ACYP2: variants seen among roughly 807,000 people sequenced by gnomAD.
ACYP2 encodes the protein acylphosphatase-2.
ACYP2 carries 12 observed loss-of-function variants against 11.2 expected under a neutral mutation model. That is an observed-to-expected ratio of 1.08 (90% CI 0.69 to 1.74). The LOEUF (loss-of-function observed/expected upper bound fraction) is 1.74. ACYP2 is among the 40% of genes most tolerant of loss of function. The pLI is 0.00. For missense variants in ACYP2, 134 were observed against 101.9 expected, an observed-to-expected ratio of 1.31 and a Z score of -1.35; for synonymous variants, 43 against 32.2, an observed-to-expected ratio of 1.33 and a Z score of -1.13.
At chr2:54,095,873 T>C (rs1178392726) in intron 4 of ACYP2, among the ~76,000 whole-genome samples, 1 of 1,068 alleles carries the variant, frequency 9.4e-4, no homozygotes, top group Non-Finnish European at 1.7e-3. Flanking sequence ...CGGGCAGAGG[T>C]GCCCCTCACC....
intron 2 of ACYP2, among the ~76,000 whole-genome samples, chr2:54,007,655 C>A (rs967918335): frequency 2.0e-5 from 3 of 152,186 alleles, no homozygotes; most frequent in Non-Finnish European, 4.4e-5. Flanking sequence ...CACCTGAGGT[C>A]AGTAGTTTGA....
intron 6 of ACYP2, among the ~76,000 whole-genome samples, chr2:54,249,266 G>A (rs1363488661): frequency 2.6e-5 from 4 of 152,084 alleles, no homozygotes; most frequent in Non-Finnish European, 5.9e-5. Flanking sequence ...AATAGATATG[G>A]AAAGGGAACA....
chr2:53,982,828 C>CTGTGTGTGTGTGTGTGTGTGTGTGTG (rs3066946), intron 2 of ACYP2, among the ~76,000 whole-genome samples: 2 of 140,524 alleles, frequency 1.4e-5, no homozygotes, highest in African/African-American at 5.5e-5. Context: ...TCACACAAGA[C>CTGTGTGTGTGTGTGTGTGTGTGTGTG]TGTGTGTGTG....
chr2:54,097,218 C>T (rs1678641753), intron 4 of ACYP2, among the ~76,000 whole-genome samples: 1 of 152,208 alleles, frequency 6.6e-6, no homozygotes. Context: ...CTTCTTAACC[C>T]ACTTATTTCC....
At chr2:53,975,926 A>C (rs1671458875) in intron 2 of ACYP2, among the ~76,000 whole-genome samples, 1 of 151,932 alleles carries the variant, frequency 6.6e-6, no homozygotes, top group African/African-American at 2.4e-5. Flanking sequence ...GACTATAATC[A>C]CTCTTCTTGC....
intron 6 of ACYP2, chr2:54,166,903 A>G (rs1205498040): frequency 6.6e-6 from 1 of 152,156 alleles, no homozygotes; most frequent in Non-Finnish European, 1.5e-5. Flanking sequence ...CCCTCTTGAT[A>G]AAGGACTCTT....
At chr2:54,105,864 A>T (rs1225288312) in intron 4 of ACYP2, among the ~76,000 whole-genome samples, 1 of 151,990 alleles carries the variant, frequency 6.6e-6, no homozygotes, top group Non-Finnish European at 1.5e-5. Flanking sequence ...TTCAGTAAAC[A>T]TCTGTTGAAT....
intron 3 of ACYP2, among the ~76,000 whole-genome samples, chr2:54,056,696 T>C (rs1676170999): frequency 6.6e-6 from 1 of 152,198 alleles, no homozygotes. Context: ...TTGGTCCAGA[T>C]TTTTTATTCA....
intron 2 of ACYP2, among the ~76,000 whole-genome samples, chr2:54,041,280 C>G (rs927011802): frequency 2.6e-5 from 4 of 152,006 alleles, no homozygotes; most frequent in African/African-American, 9.7e-5. Context: ...CAGAGTGTTC[C>G]TCTACAGTCA....
At chr2:54,034,637 G>A (rs1389348490) in intron 2 of ACYP2, among the ~76,000 whole-genome samples, 2 of 152,104 alleles carry the variant, frequency 1.3e-5, no homozygotes, top group African/African-American at 2.4e-5. Flanking sequence ...TATTCTCAAT[G>A]TTAAGTGACA....
chr2:54,069,934 C>G (rs1210479060), intron 4 of ACYP2, among the ~76,000 whole-genome samples: 2 of 152,082 alleles, frequency 1.3e-5, no homozygotes, highest in Admixed American at 6.6e-5. Context: ...CAGAATACTT[C>G]TCTGGCATAA....
At chr2:54,201,642 C>CTTTTTTCTTTCTTTCTTTCTTTGTTTCTT (rs768069057) in intron 6 of ACYP2, among the ~76,000 whole-genome samples, 4 of 78,332 alleles carry the variant, frequency 5.1e-5, no homozygotes, top group African/African-American at 2.1e-4. Context: ...CTTTCTCTTT[C>CTTTTTTCTTTCTTTCTTTCTTTGTTTCTT]TTTCTTTCTT....
intron 6 of ACYP2, among the ~76,000 whole-genome samples, chr2:54,198,841 G>A (rs1684628707): frequency 6.6e-6 from 1 of 152,118 alleles, no homozygotes; most frequent in Non-Finnish European, 1.5e-5. Flanking sequence ...TACCAGAACT[G>A]TGGAAATGTG....
At chr2:54,077,264 T>A (rs961015975) in intron 4 of ACYP2, among the ~76,000 whole-genome samples, 1 of 152,342 alleles carries the variant, frequency 6.6e-6, no homozygotes, top group East Asian at 1.9e-4. Flanking sequence ...TAAGTTCTCA[T>A]AGTTGGAGCA....
intron 2 of ACYP2, among the ~76,000 whole-genome samples, chr2:54,042,160 C>G (rs946214639): frequency 1.3e-5 from 2 of 152,156 alleles, no homozygotes; most frequent in Non-Finnish European, 2.9e-5. Context: ...GCATGCACCA[C>G]CACACCCTGC....
intron 6 of ACYP2, among the ~76,000 whole-genome samples, chr2:54,221,163 G>A (rs559650352): frequency 6.6e-6 from 1 of 152,190 alleles, no homozygotes; most frequent in East Asian, 1.9e-4. Flanking sequence ...AATCGAACCT[G>A]AGCCCAACCT....
intron 4 of ACYP2, among the ~76,000 whole-genome samples, chr2:54,098,884 C>T (rs1400001183): frequency 6.6e-6 from 1 of 152,116 alleles, no homozygotes; most frequent in Admixed American, 6.6e-5. Context: ...TGCACCAATA[C>T]ACTAGGTTAA....
intron 2 of ACYP2, among the ~76,000 whole-genome samples, chr2:54,044,271 G>A (rs576409279): frequency 1.3e-5 from 2 of 152,278 alleles, no homozygotes; most frequent in South Asian, 2.1e-4. Context: ...GAATAAAGGT[G>A]CCAAGGGAAA....
intron 6 of ACYP2, among the ~76,000 whole-genome samples, chr2:54,275,339 A>G (rs1688504342): frequency 6.6e-6 from 1 of 152,202 alleles, no homozygotes; most frequent in Non-Finnish European, 1.5e-5. Flanking sequence ...TCTGTCCTGT[A>G]TCTCACTATC....
Sources: allele counts gnomAD v4.1 joint callset (sites outside exome capture counted in the v4.1 genomes callset), GRCh38; gene constraint gnomAD v4.1.1; transcripts MANE v1.5; gene names NCBI Gene and HGNC (gene_info 2026-07-23, HGNC 2026-07-21).